Variants in PIAS1 observed in about 807,000 individuals in gnomAD.
The protein encoded by PIAS1 is E3 SUMO-protein ligase PIAS1.
In PIAS1, 6 loss-of-function variants were observed where a neutral mutation model predicts 71.3. That is an observed-to-expected ratio of 0.08 (90% confidence interval 0.05 to 0.17). PIAS1 has a LOEUF of 0.17. Among genes scored for constraint, PIAS1 ranks in the 10% least tolerant of loss-of-function variants. The probability of loss-of-function intolerance (pLI) is 1.00; values close to 1 mark genes in which losing one functional copy is unlikely to be tolerated. For synonymous variants in PIAS1, 303 were observed against 292.9 expected (o/e 1.03, Z -0.35); for missense variants, 555 against 793.6 (o/e 0.70, Z 3.61).
intron 1 of PIAS1, among the ~76,000 whole-genome samples, chr15:68,058,722 G>A (rs1218979853): frequency 6.6e-6 from 1 of 152,128 alleles, no homozygotes; most frequent in Non-Finnish European, 1.5e-5. Context: ...TTTTGCTTGA[G>A]AAAATTTCAG....
chr15:68,070,192 G>A (rs958024180), intron 1 of PIAS1, among the ~76,000 whole-genome samples: 2 of 152,162 alleles, frequency 1.3e-5, no homozygotes, highest in Non-Finnish European at 2.9e-5. Context: ...ATGAGTGCAT[G>A]CATTCTTTTC....
At chr15:68,129,984 G>GT (rs1300024379) in intron 2 of PIAS1, among the ~76,000 whole-genome samples, 2 of 151,772 alleles carry the variant, frequency 1.3e-5, no homozygotes, top group South Asian at 2.1e-4. Context: ...TTTAATTTTT[G>GT]TTTTTTACAG....
intron 11 of PIAS1, among the ~76,000 whole-genome samples, chr15:68,179,086 A>G (rs2093037087): frequency 6.6e-6 from 1 of 152,218 alleles, no homozygotes; most frequent in Non-Finnish European, 1.5e-5. Context: ...AGTCAACACT[A>G]GTAGCCATTT....
At chr15:68,089,782 C>G (rs1595715203) in intron 2 of PIAS1, among the ~76,000 whole-genome samples, 1 of 152,108 alleles carries the variant, frequency 6.6e-6, no homozygotes, top group East Asian at 1.9e-4. Flanking sequence ...TCTTGAGCTC[C>G]TGACCTCAGT....
intron 2 of PIAS1, among the ~76,000 whole-genome samples, chr15:68,119,013 G>T (rs1383561838): frequency 1.3e-5 from 2 of 151,804 alleles, no homozygotes; most frequent in African/African-American, 4.8e-5. Flanking sequence ...CCTACAGAAT[G>T]GGAGAATATA....
chr15:68,183,815 A>G, intron 13 of PIAS1, 148 bp downstream of exon 13: 2 of 529,592 alleles, frequency 3.8e-6, no homozygotes, highest in Non-Finnish European at 3.5e-6. Context: ...AATTATAGCC[A>G]TGGTAACATT....
rs2093128139 is a variant in PIAS1 at position 68,193,182 on chromosome 15, TAACAGAGCCCAG to T, written c.*5348_*5359del. 1 of 152,380 alleles carries T rather than the reference TAACAGAGCCCAG, an allele frequency of 6.6e-6. No homozygotes were observed. Among genetic ancestry groups the T allele is most frequent in the Admixed American group, 6.5e-5 (1 of 15,290 alleles). The allele number at this position is 152,380 out of a possible 1,614,324, so 9.4% of individuals were successfully genotyped here. ...ACCATCCCGGAACCTCTCTGCCTGT[TAACAGAGCCCAG>T]GGAACAGCTCGGAATTCTCACAGCA... On this transcript the variant is annotated 3_prime_UTR_variant, in exon 14 of 14. Coordinates refer to ENST00000249636, the MANE Select transcript of PIAS1 (RefSeq NM_016166.3).
chr15:68,179,567 T>G (rs1308304076), intron 11 of PIAS1, among the ~76,000 whole-genome samples: 1 of 48,180 alleles, frequency 2.1e-5, no homozygotes, highest in East Asian at 5.7e-4. Flanking sequence ...AAATGTTCTT[T>G]TTTTTTTTTT....
chr15:68,093,557 T>A (rs1209009889), intron 2 of PIAS1, among the ~76,000 whole-genome samples: 1 of 152,234 alleles, frequency 6.6e-6, no homozygotes, highest in Admixed American at 6.5e-5. Flanking sequence ...GCATTGAAAT[T>A]AGAAGTTCAT....
chr15:68,178,165 AG>A lies in PIAS1; in HGVS notation c.1481+1514del, dbSNP rs1487197445. 2.1e-4 allele frequency among the ~76,000 whole-genome samples: 32 copies of A among 152,246 alleles called. No homozygotes were observed. The highest frequency in any genetic ancestry group is 7.2e-4 in the African/African-American group (30 of 41,556). On this transcript the variant is annotated intron_variant, in intron 11 of 13. Coordinates refer to ENST00000249636, the MANE Select transcript of PIAS1 (RefSeq NM_016166.3). The surrounding 1 kb of genome is among the most constrained non-coding windows in gnomAD (Gnocchi z 4.2). ...TGTGCCTGTTGTCCCAACTACTCGGAGGGCTGATGGGGGAGGATCACTTGAA... is the reference window on the plus strand; with the variant it reads ...TGTGCCTGTTGTCCCAACTACTCGGAGGCTGATGGGGGAGGATCACTTGAA...
chr15:68,135,704 C>T (rs1257514429), intron 2 of PIAS1, among the ~76,000 whole-genome samples: 24 of 61,574 alleles, frequency 3.9e-4, no homozygotes, highest in Non-Finnish European at 7.2e-4. Flanking sequence ...GGGTGGCTGC[C>T]GGGCGGAGAC....
At chr15:68,080,589 A>G (rs1480477646) in intron 1 of PIAS1, among the ~76,000 whole-genome samples, 2 of 152,240 alleles carry the variant, frequency 1.3e-5, no homozygotes, top group Non-Finnish European at 2.9e-5. Context: ...ATAGCTGCTT[A>G]TTAACAATTT....
chr15:68,071,604 A>C (rs2092097749), intron 1 of PIAS1, among the ~76,000 whole-genome samples: 1 of 152,092 alleles, frequency 6.6e-6, no homozygotes, highest in Non-Finnish European at 1.5e-5. Context: ...AGTAGTTAAC[A>C]ATGTATTCAT....
intron 1 of PIAS1, among the ~76,000 whole-genome samples, chr15:68,079,390 T>C (rs887841864): frequency 1.3e-5 from 2 of 152,184 alleles, no homozygotes; most frequent in Non-Finnish European, 2.9e-5. Flanking sequence ...TTTTCCCACC[T>C]CTGCATAAGA....
intron 2 of PIAS1, among the ~76,000 whole-genome samples, chr15:68,091,391 TA>T (rs1470274815): frequency 1.3e-5 from 2 of 152,140 alleles, no homozygotes; most frequent in African/African-American, 4.8e-5. Flanking sequence ...GTAAATAAAA[TA>T]ATAGTTCTTT....
intron 1 of PIAS1, among the ~76,000 whole-genome samples, chr15:68,057,737 C>G (rs2091912027): frequency 1.3e-5 from 2 of 152,162 alleles, no homozygotes; most frequent in Admixed American, 6.5e-5. Context: ...CTATAACTTG[C>G]TTTTGTCAAG....
At chr15:68,089,573 G>A (rs1245419544) in intron 2 of PIAS1, among the ~76,000 whole-genome samples, 2 of 150,922 alleles carry the variant, frequency 1.3e-5, no homozygotes, top group African/African-American at 4.9e-5. Flanking sequence ...TTATTTTTTT[G>A]AGACAGAGCC....
At chr15:68,179,894 T>C (rs2093043726) in intron 11 of PIAS1, among the ~76,000 whole-genome samples, 1 of 152,020 alleles carries the variant, frequency 6.6e-6, no homozygotes, top group South Asian at 2.1e-4. Context: ...TGAAATATTC[T>C]ATACCACTGA....
At chr15:68,144,963 C>T (rs943850436) in intron 4 of PIAS1, among the ~76,000 whole-genome samples, 5 of 152,008 alleles carry the variant, frequency 3.3e-5, no homozygotes, top group South Asian at 4.1e-4. Context: ...TCACAGATTT[C>T]GGAGATAGGG....
Sources: allele counts gnomAD v4.1 joint callset (sites outside exome capture counted in the v4.1 genomes callset), GRCh38; gene constraint gnomAD v4.1.1; non-coding constraint Gnocchi (gnomAD v3.1); transcripts MANE v1.5; gene names NCBI Gene and HGNC (gene_info 2026-07-23, HGNC 2026-07-21).